The following SCN7A variants were observed in gnomAD, a reference collection of about 807,000 sequenced individuals.
SCN7A encodes the protein sodium voltage-gated channel alpha subunit 7.
In SCN7A, 138 loss-of-function variants were observed where a neutral mutation model predicts 155.2. The ratio of observed to expected loss-of-function variants is 0.89; its 90% CI spans 0.77 to 1.02. SCN7A has a LOEUF of 1.02. Ranked by LOEUF, SCN7A falls within the 50% of genes least tolerant of loss-of-function variation. SCN7A has a pLI of 0.00. For synonymous variants in SCN7A, 693 were observed against 649.0 expected, an observed-to-expected ratio of 1.07 and a Z score of -1.03; for missense variants, 2,058 against 1,986.6, an observed-to-expected ratio of 1.04 and a Z score of -0.68.
chr2:166,417,629 G>C (rs1263433007), intron 20 of SCN7A, among the ~76,000 whole-genome samples: 1 of 150,970 alleles, frequency 6.6e-6, no homozygotes, highest in Non-Finnish European at 1.5e-5. Context: ...TTGATGTCCT[G>C]TATCATGCCA....
intron 16 of SCN7A, 119 bp downstream of exon 16, chr2:166,432,184 AGAGTGATGGAGCTAG>A: frequency 1.5e-6 from 1 of 655,990 alleles, no homozygotes; most frequent in Non-Finnish European, 2.6e-6. Context: ...TCAGAGGCTA[AGAGTGATGGAGCTAG>A]GAGTGATGGA....
At chr2:166,434,361 T>A (rs1029312704) in intron 15 of SCN7A, among the ~76,000 whole-genome samples, 5 of 152,166 alleles carry the variant, frequency 3.3e-5, no homozygotes, top group African/African-American at 1.2e-4. Context: ...AATAAAATTT[T>A]GGTTATAAGA....
chr2:166,420,905 A>G (rs552512305), intron 20 of SCN7A, among the ~76,000 whole-genome samples: 3 of 152,068 alleles, frequency 2.0e-5, no homozygotes, highest in Admixed American at 6.6e-5. Flanking sequence ...GGTAATATGC[A>G]TATGTATATG....
intron 7 of SCN7A, among the ~76,000 whole-genome samples, chr2:166,466,327 G>T (rs1476164891): frequency 6.6e-6 from 1 of 151,946 alleles, no homozygotes; most frequent in Admixed American, 6.6e-5. Flanking sequence ...AAAGTGTAAG[G>T]TTATAAATCA....
At chr2:166,454,054 G>A (rs1702229178) in intron 11 of SCN7A, among the ~76,000 whole-genome samples, 1 of 152,106 alleles carries the variant, frequency 6.6e-6, no homozygotes, top group Non-Finnish European at 1.5e-5. Flanking sequence ...GTGGAAATAT[G>A]GTAAAATTGG....
In SCN7A at chr2:166,441,541, A is replaced by G; in HGVS notation, c.2012T>C (p.Met671Thr). The G allele has an allele frequency of 6.2e-7, 1 of 1,614,120 alleles. No individual in the cohort carries two copies. Among genetic ancestry groups the G allele is most frequent in the East Asian group, 2.2e-5 (1 of 44,874 alleles). The stretch of plus-strand genomic sequence containing the variant: ...CAGGAAGGAGTGGAAAAAGTCATGC[A>G]TGTGCCAGCGTGGGAGTTGACAGTC... Reference protein sequence around the residue: ...DKDCQLPRWHMHDFFHSFLNV... With the variant: ...DKDCQLPRWHTHDFFHSFLNV... Residue 671 changes from methionine (M) to threonine (T), a missense_variant, in exon 15 of 26, where the codon ATG becomes ACG. Coordinates refer to ENST00000643258, the MANE Select transcript of SCN7A (RefSeq NM_002976.4).
At chr2:166,410,436 G>T in intron 23 of SCN7A, 112 bp from the exon 24 acceptor site, 1 of 695,648 alleles carries the variant, frequency 1.4e-6, no homozygotes, top group Non-Finnish European at 2.3e-6. Context: ...CTAAAAAAAA[G>T]GCTTAAGTGC....
Position 166,432,575 on chromosome 2 carries a change from C to G in SCN7A, c.2335G>C (p.Asp779His). The stretch of plus-strand genomic sequence containing the variant: ...TTAACATATACCTCATTTACATGGT[C>G]CATTGTGTCCTTTGGGACATTTTGT... ...KTQNVPKDTM[D>H]HVNEVYVKED... The change falls in exon 16 of 26, where the codon GAC becomes CAC. Residue 779 changes from aspartate to histidine, a missense_variant. Asp to His is a moderately conservative substitution (Grantham distance 81). Transcript: ENST00000643258. 6.2e-7 allele frequency: 1 copy of G among 1,613,270 alleles called. No individual in the cohort carries two copies. The highest frequency in any genetic ancestry group is 8.5e-7 in the Non-Finnish European group (1 of 1,179,560).
intron 11 of SCN7A, among the ~76,000 whole-genome samples, chr2:166,451,957 C>A (rs1303155262): frequency 6.6e-6 from 1 of 151,968 alleles, no homozygotes; most frequent in Non-Finnish European, 1.5e-5. Context: ...AGAGATAATA[C>A]ACTTTTCAGA....
At chr2:166,432,828 A>C in intron 15 of SCN7A, 76 bp from the exon 16 acceptor site, 1 of 996,598 alleles carries the variant, frequency 1.0e-6, no homozygotes, top group Non-Finnish European at 1.4e-6. Context: ...TTGTTTACAA[A>C]ACTGATGAGA....
At chr2:166,490,477 C>T (rs77009009) in intron 1 of SCN7A, among the ~76,000 whole-genome samples, 1,858 of 152,248 alleles carry the variant, frequency 0.012, 27 homozygotes, top group Middle Eastern at 0.037. Flanking sequence ...TATCTGCTCT[C>T]CCATGTTTCC....
chr2:166,455,284 T>C (rs1019650067), intron 11 of SCN7A, among the ~76,000 whole-genome samples: 12 of 151,896 alleles, frequency 7.9e-5, no homozygotes, highest in African/African-American at 2.9e-4. Context: ...CACACACAGA[T>C]ATAAACATCT....
intron 18 of SCN7A, among the ~76,000 whole-genome samples, chr2:166,426,820 G>A (rs1322913895): frequency 1.3e-5 from 2 of 151,906 alleles, no homozygotes; most frequent in Non-Finnish European, 2.9e-5. Context: ...CATTCCTGCT[G>A]CACACCCATG....
chr2:166,414,008 T>TATATATATATATATATATATAC (rs1423218806), intron 21 of SCN7A, among the ~76,000 whole-genome samples: 1 of 75,462 alleles, frequency 1.3e-5, no homozygotes, highest in Non-Finnish European at 2.5e-5. Flanking sequence ...TATATAAATA[T>TATATATATATATATATATATAC]ACTATATATA....
intron 1 of SCN7A, among the ~76,000 whole-genome samples, chr2:166,491,457 C>T (rs574243710): frequency 6.6e-6 from 1 of 152,224 alleles, no homozygotes; most frequent in East Asian, 1.9e-4. Flanking sequence ...GATGGCGCCT[C>T]ATTTGTAATA....
At chr2:166,461,344 C>T (rs1575048282) in intron 10 of SCN7A, among the ~76,000 whole-genome samples, 1 of 152,070 alleles carries the variant, frequency 6.6e-6, no homozygotes, top group East Asian at 1.9e-4. Flanking sequence ...GAAAATAACA[C>T]TATTTTCTAC....
intron 15 of SCN7A, among the ~76,000 whole-genome samples, chr2:166,437,270 T>G (rs1701859165): frequency 6.6e-6 from 1 of 152,180 alleles, no homozygotes; most frequent in South Asian, 2.1e-4. Context: ...GGCCATCACT[T>G]CGGAGTGTGC....
chr2:166,467,333 C>T (rs1702556502), intron 7 of SCN7A, among the ~76,000 whole-genome samples: 1 of 151,740 alleles, frequency 6.6e-6, no homozygotes, highest in South Asian at 2.1e-4. Flanking sequence ...TGTATTTGCA[C>T]TGTGTGCTTA....
intron 6 of SCN7A, 150 bp from the exon 7 acceptor site, chr2:166,470,856 A>G: frequency 1.6e-6 from 1 of 643,976 alleles, no homozygotes; most frequent in Non-Finnish European, 2.5e-6. Flanking sequence ...CAGTTTTATT[A>G]TTGATTAGAA....
Sources: gnomAD v4.1 joint callset for allele counts (sites outside exome capture counted in the v4.1 genomes callset) on GRCh38, gnomAD v4.1.1 for gene constraint, MANE v1.5 for transcripts, NCBI Gene and HGNC (gene_info 2026-07-23, HGNC 2026-07-21) for gene names.